The following STRN variants were observed in gnomAD, a reference collection of about 807,000 sequenced individuals.
The protein encoded by STRN is striatin, also known as protein phosphatase 2 regulatory subunit B'''alpha.
Under a neutral mutation model 96.3 loss-of-function variants are expected in STRN, and 53 were observed. That is an observed-to-expected ratio of 0.55 (90% CI 0.44 to 0.69). The LOEUF is 0.69. Ranked by LOEUF, STRN falls within the 30% of genes least tolerant of loss-of-function variation. The pLI is 0.00. For missense variants in STRN, 987 were observed against 963.9 expected, an observed-to-expected ratio of 1.02 and a Z score of -0.32; for synonymous variants, 428 against 355.9, an observed-to-expected ratio of 1.20 and a Z score of -2.28.
rs1174379399 is a variant in STRN, at chr2:36,838,119, C to A, written c.*11337G>T. 6.6e-6 allele frequency among the ~76,000 whole-genome samples: 1 copy of A among 152,142 alleles called. No individual in the cohort carries two copies. The highest frequency in any genetic ancestry group is 2.4e-5 in the African/African-American group (1 of 41,418). ...GCCCTTTAAAAGCAGTTTTCTCTGG[C>A]TGGTAGAAGTAGAGTCAAAGTATAA... On this transcript the variant is annotated 3_prime_UTR_variant, in exon 18 of 18. Coordinates refer to ENST00000263918, the MANE Select transcript of STRN (RefSeq NM_003162.4).
intron 1 of STRN, among the ~76,000 whole-genome samples, chr2:36,932,199 G>C (rs1424125721): frequency 6.6e-6 from 1 of 152,092 alleles, no homozygotes; most frequent in East Asian, 1.9e-4. Flanking sequence ...CTGTTGCCCA[G>C]GCTGGAGTAC....
At chr2:36,954,353 A>C (rs1664829941) in intron 1 of STRN, among the ~76,000 whole-genome samples, 1 of 151,884 alleles carries the variant, frequency 6.6e-6, no homozygotes, top group Non-Finnish European at 1.5e-5. Flanking sequence ...TCTACTAAAA[A>C]TACAAAAAAT....
chr2:36,925,715 G>A (rs1265832921), intron 1 of STRN, among the ~76,000 whole-genome samples: 1 of 152,194 alleles, frequency 6.6e-6, no homozygotes, highest in Non-Finnish European at 1.5e-5. Flanking sequence ...AGGGGTTGCA[G>A]TAAGCCGAGA....
rs1296686124 is a variant in STRN, at chr2:36,841,161, ATTCT to A, written c.*8291_*8294del. ...TACAGCAATGAGAAATAAGGAGCAC[ATTCT>A]TTTTTTTTTTTTTTAATCAAATCGA... On this transcript the variant is annotated 3_prime_UTR_variant, in exon 18 of 18. Transcript: ENST00000263918. The A allele has an allele frequency of 6.4e-5, 9 of 141,296 alleles. No homozygotes were observed. Among genetic ancestry groups the A allele is most frequent in the African/African-American group, 1.6e-4 (6 of 38,602 alleles). The allele number at this position is 141,296 out of a possible 1,614,324, so 8.8% of individuals were successfully genotyped here. A position where few individuals can be genotyped will look rare whatever the true frequency, so the allele number is the denominator to read the frequency against.
intron 1 of STRN, among the ~76,000 whole-genome samples, chr2:36,932,718 T>C (rs1298804345): frequency 1.3e-5 from 2 of 152,174 alleles, no homozygotes; most frequent in East Asian, 1.9e-4. Flanking sequence ...TCCTTCTAGA[T>C]AACATTTTAC....
chr2:36,941,553 C>CT (rs1048837614), intron 1 of STRN, among the ~76,000 whole-genome samples: 117 of 144,978 alleles, frequency 8.1e-4, no homozygotes, highest in East Asian at 1.8e-3. Flanking sequence ...CTTATGTAAA[C>CT]TTTTTTTTTT....
At chr2:36,964,251 G>A (rs970568884) in intron 1 of STRN, among the ~76,000 whole-genome samples, 1 of 150,214 alleles carries the variant, frequency 6.7e-6, no homozygotes, top group Non-Finnish European at 1.5e-5. Flanking sequence ...GTTTTCTGGT[G>A]TGTGTGTGTG....
intron 1 of STRN, among the ~76,000 whole-genome samples, chr2:36,933,389 G>T (rs1670622920): frequency 6.6e-6 from 1 of 151,952 alleles, no homozygotes; most frequent in African/African-American, 2.4e-5. Context: ...AGACATCAAA[G>T]GATAACTGTA....
intron 12 of STRN, among the ~76,000 whole-genome samples, chr2:36,863,902 T>C (rs960221784): frequency 1.2e-4 from 19 of 152,222 alleles, no homozygotes; most frequent in South Asian, 1.2e-3. Context: ...CTAGTTATTT[T>C]ATCTTTTTTG....
At chr2:36,900,769 T>C (rs1479888667) in intron 5 of STRN, among the ~76,000 whole-genome samples, 1 of 152,080 alleles carries the variant, frequency 6.6e-6, no homozygotes, top group Non-Finnish European at 1.5e-5. Context: ...GGCGCATGCC[T>C]GTAGTCTCGG....
intron 1 of STRN, among the ~76,000 whole-genome samples, chr2:36,953,766 T>C (rs2148271781): frequency 6.6e-6 from 1 of 152,338 alleles, no homozygotes. Flanking sequence ...GTCAAATAAC[T>C]TTCTGCATAA....
chr2:36,906,172 A>C (rs1304669218), intron 3 of STRN, among the ~76,000 whole-genome samples: 3 of 152,224 alleles, frequency 2.0e-5, no homozygotes, highest in Non-Finnish European at 4.4e-5. Context: ...AAAAATTAAA[A>C]ATAAATAATA....
chr2:36,921,803 A>G (rs1670263226), intron 2 of STRN, among the ~76,000 whole-genome samples: 1 of 152,092 alleles, frequency 6.6e-6, no homozygotes, highest in Non-Finnish European at 1.5e-5. Flanking sequence ...GTCCACCCCC[A>G]CACTGAGGTC....
intron 3 of STRN, among the ~76,000 whole-genome samples, chr2:36,907,952 T>C (rs1217664177): frequency 6.6e-6 from 1 of 151,724 alleles, no homozygotes; most frequent in African/African-American, 2.4e-5. Flanking sequence ...AAAAAGAAGC[T>C]AATTACTCTG....
intron 1 of STRN, among the ~76,000 whole-genome samples, chr2:36,934,625 TCA>T (rs1670656227): frequency 6.6e-6 from 1 of 152,234 alleles, no homozygotes; most frequent in East Asian, 1.9e-4. Flanking sequence ...TTTAAAACAT[TCA>T]GTCTTTATGT....
At chr2:36,956,774 C>T (rs1664899689) in intron 1 of STRN, among the ~76,000 whole-genome samples, 1 of 152,192 alleles carries the variant, frequency 6.6e-6, no homozygotes, top group Admixed American at 6.5e-5. Flanking sequence ...TAAATAGGCA[C>T]ATCTCTTGAT....
At position 36,886,749 on chromosome 2, in the gene STRN, T is replaced by C. The variant is rs752848045; in HGVS notation, c.1009A>G (p.Lys337Glu). ...CCCTTTTTCCCCTTTCTCTCCTTTT[T>C]GTATTGTTCCTTGAGTTTGGTAATT... ...GVITKLKEQY[K>E]KERKGKKGVK... The change falls in exon 8 of 18, where the codon AAA becomes GAA. Residue 337 changes from lysine (K) to glutamate (E), a missense_variant. Physicochemically the swap from Lys to Glu is moderately conservative, Grantham distance 56. Transcript: ENST00000263918. The C allele has an allele frequency of 1.2e-6, 2 of 1,613,332 alleles. No individual in the cohort carries two copies.
intron 2 of STRN, among the ~76,000 whole-genome samples, chr2:36,923,140 GAA>G (rs1165771368): frequency 1.6e-5 from 2 of 121,446 alleles, no homozygotes; most frequent in Non-Finnish European, 1.7e-5. Flanking sequence ...AACTCCGTCT[GAA>G]AAAAAAAAAA....
At chr2:36,876,441 G>C (rs1158984865) in intron 10 of STRN, among the ~76,000 whole-genome samples, 1 of 152,162 alleles carries the variant, frequency 6.6e-6, no homozygotes, top group African/African-American at 2.4e-5. Flanking sequence ...TTTGGAGGTA[G>C]AACCCAAAAG....
Sources: gnomAD v4.1 joint callset for allele counts (sites outside exome capture counted in the v4.1 genomes callset) on GRCh38, gnomAD v4.1.1 for gene constraint, MANE v1.5 for transcripts, NCBI Gene and HGNC (gene_info 2026-07-23, HGNC 2026-07-21) for gene names.